Variants in WNK2 observed in about 807,000 individuals in gnomAD.
WNK2 encodes the protein WNK lysine deficient protein kinase 2.
Under a neutral mutation model 192.1 loss-of-function variants are expected in WNK2, and 67 were observed. The ratio of observed to expected loss-of-function variants is 0.35; its 90% CI spans 0.29 to 0.43. The LOEUF is 0.43. Among genes scored for constraint, WNK2 ranks in the 20% least tolerant of loss-of-function variants. The pLI, the probability that WNK2 is intolerant of heterozygous loss-of-function variation, is 1.00. For missense variants in WNK2, 2,698 were observed against 3,089.7 expected (o/e 0.87, Z 3.01); for synonymous variants, 1,439 against 1,393.9 (o/e 1.03, Z -0.72).
chr9:93,190,250 C>T (rs928293461), intron 2 of WNK2, among the ~76,000 whole-genome samples: 1 of 152,236 alleles, frequency 6.6e-6, no homozygotes, highest in African/African-American at 2.4e-5. Flanking sequence ...AGTGGTGCTT[C>T]TGCCCCCCGA....
chr9:93,253,279 C>T (rs538316526), intron 9 of WNK2, among the ~76,000 whole-genome samples, 197 bp downstream of exon 9: 45 of 152,194 alleles, frequency 3.0e-4, no homozygotes, highest in Middle Eastern at 3.4e-3. Flanking sequence ...AAAGCCCCGT[C>T]CTTGCTGTCA....
chr9:93,317,582 C>G lies in WNK2; in HGVS notation c.6579C>G (p.Ser2193=). Residue 2193 remains serine, a synonymous_variant, in exon 29 of 30, where the codon TCC becomes TCG. Transcript: ENST00000427277. ...PRLPPAPGPL[S]TTVIPGAAPT... ...TGCCCCCAGCGCCCGGCCCTCTGTCCACCACGGTCATTCCCGGAGCCGCCC... is the reference window on the plus strand; with the variant it reads ...TGCCCCCAGCGCCCGGCCCTCTGTCGACCACGGTCATTCCCGGAGCCGCCC... 6.2e-7 allele frequency: 1 copy of G among 1,613,502 alleles called. No homozygotes were observed. The highest frequency in any genetic ancestry group is 8.5e-7 in the Non-Finnish European group (1 of 1,179,886).
intron 2 of WNK2, among the ~76,000 whole-genome samples, chr9:93,217,194 T>A (rs1835904825): frequency 6.6e-6 from 1 of 152,176 alleles, no homozygotes; most frequent in Non-Finnish European, 1.5e-5. Context: ...CTTGACCTCG[T>A]GATCCGCCTG....
intron 21 of WNK2, among the ~76,000 whole-genome samples, chr9:93,291,492 A>G (rs909163599): frequency 6.6e-6 from 1 of 152,174 alleles, no homozygotes; most frequent in Non-Finnish European, 1.5e-5. Context: ...GAAGGTGGGC[A>G]TGGAGATATG....
chr9:93,242,863 A>G (rs1212848218), intron 7 of WNK2, among the ~76,000 whole-genome samples: 1 of 152,200 alleles, frequency 6.6e-6, no homozygotes, highest in Non-Finnish European at 1.5e-5. Context: ...GGATAGGAGG[A>G]CATTTGGATG....
intron 12 of WNK2, among the ~76,000 whole-genome samples, chr9:93,261,340 C>G (rs985308517): frequency 6.6e-6 from 1 of 152,206 alleles, no homozygotes; most frequent in Non-Finnish European, 1.5e-5. Flanking sequence ...TGCCAAGGAG[C>G]TTTTAGAGAG....
intron 23 of WNK2, among the ~76,000 whole-genome samples, chr9:93,296,173 T>C (rs1437888423): frequency 6.9e-5 from 3 of 43,488 alleles, no homozygotes; most frequent in Non-Finnish European, 4.3e-5. Flanking sequence ...CCCCTCACCA[T>C]CCTCCCCTCA....
At chr9:93,187,569 A>T (rs1829563794) in intron 2 of WNK2, among the ~76,000 whole-genome samples, 2 of 152,146 alleles carry the variant, frequency 1.3e-5, no homozygotes. Flanking sequence ...TGCTTAGAAT[A>T]GCCCCCTTTG....
intron 2 of WNK2, among the ~76,000 whole-genome samples, chr9:93,209,956 A>G (rs545589269): frequency 2.3e-4 from 35 of 152,190 alleles, no homozygotes; most frequent in Middle Eastern, 3.4e-3. Context: ...GGGCACCAAG[A>G]TCATGACCTC....
At chr9:93,314,009 G>A (rs766487531) in intron 28 of WNK2, among the ~76,000 whole-genome samples, 2 of 151,722 alleles carry the variant, frequency 1.3e-5, no homozygotes, top group East Asian at 1.9e-4. Context: ...AGTGGCTCAC[G>A]CTTGTAATCC....
chr9:93,287,800 C>T (rs544414343), intron 19 of WNK2, among the ~76,000 whole-genome samples: 2 of 152,186 alleles, frequency 1.3e-5, no homozygotes, highest in South Asian at 4.1e-4. Context: ...GGGGCTCACA[C>T]CTGTCATCCC....
chr9:93,232,287 G>A (rs991357415), intron 4 of WNK2, among the ~76,000 whole-genome samples: 5 of 152,190 alleles, frequency 3.3e-5, no homozygotes, highest in African/African-American at 1.2e-4. Flanking sequence ...GTGGCCCTGT[G>A]TACACAAAGC....
At position 93,229,955 on chromosome 9, in the gene WNK2, G is replaced by C. The variant is rs531343531; in HGVS notation, c.854+87G>C. ...GAGGGTGAGGTCTTGGGCTGCTGGG[G>C]TGGTCCTGGCTGGTGCCTGTGGGAG... On this transcript the variant is annotated intron_variant, in intron 3 of 29. Transcript: ENST00000427277. The surrounding 1 kb of genome is among the most constrained non-coding windows in gnomAD (Gnocchi z 4.9). The C allele has an allele frequency of 1.3e-6, 2 of 1,511,110 alleles. No individual in the cohort carries two copies. The highest frequency in any genetic ancestry group is 1.8e-6 in the Non-Finnish European group (2 of 1,124,496). The allele number at this position is 1,511,110 out of a possible 1,614,324, so 93.6% of individuals were successfully genotyped here.
intron 2 of WNK2, among the ~76,000 whole-genome samples, chr9:93,207,436 C>G (rs1833598519): frequency 6.6e-6 from 1 of 152,172 alleles, no homozygotes; most frequent in Non-Finnish European, 1.5e-5. Context: ...CATTCATGAT[C>G]TCCCGGTCAG....
chr9:93,292,211 C>G lies in WNK2; in HGVS notation c.4937-97C>G. ...ATTGTCCTGCCTGTCTGGAGGCACT[C>G]CCATGGGATCACTTTGGGCTGCTTC... On this transcript the variant is annotated intron_variant, in intron 21 of 29. Coordinates refer to ENST00000427277, the MANE Select transcript of WNK2 (RefSeq NM_006648.4). 7 of 1,286,712 alleles carry G rather than the reference C, an allele frequency of 5.4e-6. No homozygotes were observed. In the South Asian group the frequency reaches 6.3e-5, roughly 12 times the overall value. 79.7% of individuals were successfully genotyped at this position (1,286,712 alleles called of 1,614,324 possible).
At position 93,267,851 on chromosome 9, in the gene WNK2, G is replaced by A. The variant is rs891537075; in HGVS notation, c.3802G>A (p.Asp1268Asn). The part of the protein sequence containing the change: ...EDMLSEDTDA[D>N]RGSDPGTSPP... ...CATGCTCAGCGAGGACACAGACGCCGACCGTGGCTCCGACCCAGGGACCAG... is the reference window on the plus strand; with the variant it reads ...CATGCTCAGCGAGGACACAGACGCCAACCGTGGCTCCGACCCAGGGACCAG... Residue 1268 changes from aspartate (D) to asparagine (N), a missense_variant, in exon 17 of 30, where the codon GAC (aspartate) becomes AAC (asparagine). Transcript: ENST00000427277. 8.7e-6 allele frequency: 14 copies of A among 1,611,594 alleles called. No individual in the cohort carries two copies. Among genetic ancestry groups the A allele is most frequent in the African/African-American group, 4.0e-5 (3 of 74,896 alleles).
At chr9:93,187,487 G>A (rs1213703460) in intron 2 of WNK2, among the ~76,000 whole-genome samples, 3 of 152,160 alleles carry the variant, frequency 2.0e-5, no homozygotes, top group Admixed American at 2.0e-4. Flanking sequence ...GTCCCTAGTC[G>A]ATGTGTGTCA....
chr9:93,308,525 C>T lies in WNK2; in HGVS notation c.6457C>T (p.Gln2153Ter). ...CACGCTCAACCAGCTGAAGCAGACC[C>T]AGAAGCTGCAAGACATGGAGGCCCA... ...KPTLNQLKQT[Q>*]KLQDMEAQAG... Residue 2153 changes from glutamine (Q) to a stop codon, truncating the protein, a stop_gained, in exon 28 of 30, where the codon CAG becomes TAG. Transcript: ENST00000427277. LOFTEE classifies it high-confidence loss of function. 2 of 1,605,784 alleles carry T rather than the reference C, an allele frequency of 1.2e-6. No individual in the cohort carries two copies. Among genetic ancestry groups the T allele is most frequent in the Non-Finnish European group, 1.7e-6 (2 of 1,176,952 alleles).
At chr9:93,261,692 G>A (rs1206203547) in intron 12 of WNK2, 122 bp from the exon 13 acceptor site, 4 of 1,143,210 alleles carry the variant, frequency 3.5e-6, no homozygotes, top group Non-Finnish European at 4.9e-6. Context: ...CCCTTGGGGA[G>A]GGTGTGGTCT....
Sources: allele counts gnomAD v4.1 joint callset (sites outside exome capture counted in the v4.1 genomes callset), GRCh38; gene constraint gnomAD v4.1.1; non-coding constraint Gnocchi (gnomAD v3.1); transcripts MANE v1.5; gene names NCBI Gene and HGNC (gene_info 2026-07-23, HGNC 2026-07-21).